The following UTRN variants were observed in gnomAD, a reference collection of about 807,000 sequenced individuals.
UTRN encodes dystrophin-related protein 1.
A neutral mutation model predicts 463.9 loss-of-function variants in UTRN; 283 were observed. That is an observed-to-expected ratio of 0.61 (90% CI 0.55 to 0.67). The LOEUF (loss-of-function observed/expected upper bound fraction) is 0.67. UTRN is among the 30% of genes least tolerant of loss of function. The pLI is 0.00. For missense variants in UTRN, 3,922 were observed against 4,084.3 expected (o/e 0.96, Z 1.08); for synonymous variants, 1,442 against 1,431.5 (o/e 1.01, Z -0.17).
In UTRN at chr6:144,561,256, T is replaced by TACACACAC. The variant is rs1455730140; in HGVS notation, c.7289+3946_7289+3947insCACACACA. ...ATATATATATATATATATATATATA[T>TACACACAC]ATATACATACACACACACACGTATA... On this transcript the variant is annotated intron_variant, in intron 50 of 74. Transcript: ENST00000367545. 8.5e-4 allele frequency among the ~76,000 whole-genome samples: 64 copies of TACACACAC among 75,662 alleles called. 2 individuals are homozygous for TACACACAC. The highest frequency in any genetic ancestry group is 2.5e-3 in the East Asian group (8 of 3,174). 49.6% of individuals were successfully genotyped at this position (75,662 alleles called of 152,430 possible). A position where few individuals can be genotyped will look rare whatever the true frequency, so the allele number is the denominator to read the frequency against.
chr6:144,794,058 T>C lies in UTRN; in HGVS notation c.9078+67T>C. The C allele has an allele frequency of 3.8e-6, 6 of 1,566,740 alleles. No individual in the cohort carries two copies. The South Asian group carries it at 7.2e-5, about 19-fold the overall frequency. Reference sequence around the variant, plus strand: ...AGGGTTTTGAGGATGTTCTGAGACATGGAATAGGGAACTCGGGCTGGAGCC... The same window carrying C: ...AGGGTTTTGAGGATGTTCTGAGACACGGAATAGGGAACTCGGGCTGGAGCC... On this transcript the variant is annotated intron_variant, in intron 63 of 74. Transcript: ENST00000367545.
intron 51 of UTRN, among the ~76,000 whole-genome samples, chr6:144,621,201 T>C (rs1775336642): frequency 6.6e-6 from 1 of 152,178 alleles, no homozygotes; most frequent in Non-Finnish European, 1.5e-5. Flanking sequence ...GTAATATTCA[T>C]TTTTACTAAT....
At chr6:144,389,765 A>T (rs1781745936) in intron 2 of UTRN, among the ~76,000 whole-genome samples, 1 of 152,024 alleles carries the variant, frequency 6.6e-6, no homozygotes, top group African/African-American at 2.4e-5. Flanking sequence ...CGCACAGCTA[A>T]TTTTTGTATT....
chr6:144,520,090 A>T lies in UTRN; in HGVS notation c.5542-1890A>T, dbSNP rs138927661. Among the ~76,000 whole-genome samples, 101 of 152,318 alleles carry T rather than the reference A, an allele frequency of 6.6e-4. No individual in the cohort carries two copies. The East Asian group carries it at 0.016, about 24-fold the overall frequency. On this transcript the variant is annotated intron_variant, in intron 39 of 74. Transcript: ENST00000367545. ...TTTTTGGTCTTTTGGAAAACAGATG[A>T]CCTTTCAGCAAAATCTTGGTTAATG...
chr6:144,299,761 G>C (rs1351985218), intron 2 of UTRN, among the ~76,000 whole-genome samples: 2 of 152,014 alleles, frequency 1.3e-5, no homozygotes, highest in Non-Finnish European at 2.9e-5. Flanking sequence ...TTATTTCAAA[G>C]ACAGACGTGT....
At chr6:144,754,476 A>G (rs993712191) in intron 56 of UTRN, among the ~76,000 whole-genome samples, 2 of 151,638 alleles carry the variant, frequency 1.3e-5, no homozygotes, top group African/African-American at 4.9e-5. Flanking sequence ...AATTTCTATA[A>G]ATTGCTTAGA....
chr6:144,527,938 C>T (rs1396323708), intron 41 of UTRN, among the ~76,000 whole-genome samples: 1 of 151,578 alleles, frequency 6.6e-6, no homozygotes, highest in Non-Finnish European at 1.5e-5. Context: ...ACTGGTGTGT[C>T]CTTGATTGGT....
At chr6:144,835,980 T>C in intron 70 of UTRN, 42 bp downstream of exon 70, 2 of 1,601,002 alleles carry the variant, frequency 1.2e-6, no homozygotes, top group South Asian at 1.1e-5. Context: ...ATCCTTTCTT[T>C]TGTATGAATT....
chr6:144,477,341 A>G lies in UTRN; in HGVS notation c.3337-2471A>G, dbSNP rs144373878. On this transcript the variant is annotated intron_variant, in intron 25 of 74. Transcript: ENST00000367545. Reference sequence around the variant, plus strand: ...TAAAATGCTTTTGGCTAATGTTTGTATCAGAAAAATTTATATTTGCATAAC... The same window carrying G: ...TAAAATGCTTTTGGCTAATGTTTGTGTCAGAAAAATTTATATTTGCATAAC... Among the ~76,000 whole-genome samples the G allele has an allele frequency of 7.6e-3, 1,153 of 152,348 alleles. 5 individuals are homozygous for G. Among genetic ancestry groups the G allele is most frequent in the Non-Finnish European group, 0.011 (770 of 68,040 alleles).
At chr6:144,619,310 T>C (rs974567155) in intron 51 of UTRN, among the ~76,000 whole-genome samples, 2 of 152,218 alleles carry the variant, frequency 1.3e-5, no homozygotes, top group Admixed American at 1.3e-4. Flanking sequence ...AGCTGTTTTT[T>C]ATGCCATCAG....
Position 144,511,100 on chromosome 6 carries a change from G to A in UTRN, c.4921G>A (p.Glu1641Lys), listed in dbSNP as rs1381926946. 1 of 1,602,438 alleles carries A rather than the reference G, an allele frequency of 6.2e-7. No individual in the cohort carries two copies. The change falls in exon 35 of 75, where the codon GAA (glutamate) becomes AAA (lysine). Residue 1641 changes from glutamate (E) to lysine (K), a missense_variant. Glu to Lys is a moderately conservative substitution (Grantham distance 56, BLOSUM62 1). Coordinates refer to ENST00000367545, the MANE Select transcript of UTRN (RefSeq NM_007124.3). ...AGWSRVRTWT[E>K]DWCNTLMNHQ... ...GTGGAGCCGAGTTCGTACCTGGACT[G>A]AAGATTGGTGCAATACCTTGATGGT...
chr6:144,333,027 G>A (rs1776449985), intron 2 of UTRN, among the ~76,000 whole-genome samples: 2 of 151,708 alleles, frequency 1.3e-5, no homozygotes, highest in Admixed American at 1.3e-4. Context: ...TCCACTTCCC[G>A]GATTCCAGCC....
At chr6:144,694,863 G>A (rs1783822967) in intron 52 of UTRN, among the ~76,000 whole-genome samples, 1 of 151,038 alleles carries the variant, frequency 6.6e-6, no homozygotes, top group African/African-American at 2.4e-5. Context: ...TTGATCTTTT[G>A]AATGGTTTTT....
At chr6:144,720,321 C>G (rs1786988418) in intron 53 of UTRN, among the ~76,000 whole-genome samples, 1 of 152,160 alleles carries the variant, frequency 6.6e-6, no homozygotes, top group South Asian at 2.1e-4. Context: ...AGAAATGTTC[C>G]AAGACCATTA....
intron 51 of UTRN, among the ~76,000 whole-genome samples, chr6:144,654,349 C>T (rs545071210): frequency 2.0e-5 from 3 of 151,312 alleles, no homozygotes; most frequent in African/African-American, 4.8e-5. Context: ...TATAGCTGAT[C>T]GCGTGGGGTT....
At position 144,447,728 on chromosome 6, in the gene UTRN, C is replaced by G; in HGVS notation, c.1849C>G (p.Leu617Val). ...GAAGATCAACAGTGACTCAGAGGAA[C>G]TGACTCAAAGATGGGATTCTTTGGT... is the stretch of plus-strand genomic sequence containing the variant. ...SKKINSDSEE[L>V]TQRWDSLVQR... Residue 617 changes from leucine to valine, a missense_variant, in exon 16 of 75, where the codon CTG (leucine) becomes GTG (valine). Physicochemically the swap from Leu to Val is conservative, Grantham distance 32. Coordinates refer to ENST00000367545, the MANE Select transcript of UTRN (RefSeq NM_007124.3). 2 of 1,613,968 alleles carry G rather than the reference C, an allele frequency of 1.2e-6. No homozygotes were observed. The highest frequency in any genetic ancestry group is 1.7e-6 in the Non-Finnish European group (2 of 1,179,934).
chr6:144,656,152 A>T (rs959863525), intron 51 of UTRN, among the ~76,000 whole-genome samples: 2 of 152,356 alleles, frequency 1.3e-5, no homozygotes, highest in East Asian at 3.8e-4. Flanking sequence ...TGTCAAGCAT[A>T]TTCCACCTAC....
rs1789133722 is a variant in UTRN at position 144,458,903 on chromosome 6, G to T, written c.2418G>T (p.Gln806His). 1 of 1,613,848 alleles carries T rather than the reference G, an allele frequency of 6.2e-7. No individual in the cohort carries two copies. The highest frequency in any genetic ancestry group is 8.5e-7 in the Non-Finnish European group (1 of 1,179,950). ...LQEDINAYFK[Q>H]LDELEKVIKT... The stretch of plus-strand genomic sequence containing the variant: ...AAGATATAAATGCTTATTTCAAGCA[G>T]CTTGATGAGCTTGAAAAGGTCATCA... Residue 806 changes from glutamine to histidine, a missense_variant, in exon 20 of 75, where the codon CAG becomes CAT. Coordinates refer to ENST00000367545, the MANE Select transcript of UTRN (RefSeq NM_007124.3).
intron 18 of UTRN, among the ~76,000 whole-genome samples, chr6:144,451,762 T>C (rs1788339786): frequency 6.6e-6 from 1 of 152,202 alleles, no homozygotes; most frequent in Non-Finnish European, 1.5e-5. Flanking sequence ...CAGTTAGTGG[T>C]ACTACTTTTT....
Sources: allele counts gnomAD v4.1 joint callset (sites outside exome capture counted in the v4.1 genomes callset), GRCh38; gene constraint gnomAD v4.1.1; transcripts MANE v1.5; gene names NCBI Gene and HGNC (gene_info 2026-07-23, HGNC 2026-07-21).